FER: variants seen among roughly 807,000 people sequenced by gnomAD.
FER encodes the protein tyrosine-protein kinase Fer.
In FER, 63 loss-of-function variants were observed where a neutral mutation model predicts 111.0. That is an observed-to-expected ratio of 0.57 (90% CI 0.46 to 0.70). The LOEUF (loss-of-function observed/expected upper bound fraction) is 0.70, where lower values mean the gene tolerates loss of function less well. Ranked by LOEUF, FER falls within the 30% of genes least tolerant of loss-of-function variation. FER has a pLI of 0.00. For synonymous variants in FER, 327 were observed against 313.9 expected (o/e 1.04, Z -0.44); for missense variants, 914 against 954.0 (o/e 0.96, Z 0.55).
intron 13 of FER, among the ~76,000 whole-genome samples, chr5:109,003,208 G>T (rs1765036910): frequency 6.6e-6 from 1 of 152,142 alleles, no homozygotes; most frequent in Non-Finnish European, 1.5e-5. Context: ...CAAAGACTTG[G>T]AACCAACCCA....
chr5:108,946,245 G>A, intron 11 of FER, 23 bp downstream of exon 11: 1 of 1,546,836 alleles, frequency 6.5e-7, no homozygotes, highest in South Asian at 1.1e-5. Context: ...AACTCTCTGT[G>A]CTACTGAAAA....
intron 1 of FER, among the ~76,000 whole-genome samples, chr5:108,755,299 C>G (rs71592765): frequency 0.064 from 9,737 of 152,254 alleles, 418 homozygotes; most frequent in South Asian, 0.092. Context: ...TAATGCTTTT[C>G]TGTATGCTTC....
At chr5:109,070,628 A>G (rs1159046150) in intron 16 of FER, among the ~76,000 whole-genome samples, 1 of 151,982 alleles carries the variant, frequency 6.6e-6, no homozygotes, top group African/African-American at 2.4e-5. Flanking sequence ...TAAATTGTAG[A>G]AAAAGAATTT....
At chr5:109,071,781 A>G (rs1775796404) in intron 16 of FER, among the ~76,000 whole-genome samples, 1 of 151,992 alleles carries the variant, frequency 6.6e-6, no homozygotes, top group Non-Finnish European at 1.5e-5. Flanking sequence ...CAATCTGGAC[A>G]TCATGTGTCC....
intron 14 of FER, among the ~76,000 whole-genome samples, chr5:109,038,349 G>A (rs1339426540): frequency 6.6e-6 from 1 of 151,852 alleles, no homozygotes; most frequent in Admixed American, 6.6e-5. Context: ...TGAGTGATCA[G>A]TACTGAACTT....
At chr5:108,884,134 T>G (rs1228907312) in intron 9 of FER, among the ~76,000 whole-genome samples, 1 of 152,080 alleles carries the variant, frequency 6.6e-6, no homozygotes, top group East Asian at 1.9e-4. Context: ...TAATTGCATC[T>G]ACAAGAGTGG....
chr5:109,057,735 A>G (rs922318231), intron 16 of FER, among the ~76,000 whole-genome samples: 1 of 152,218 alleles, frequency 6.6e-6, no homozygotes, highest in Non-Finnish European at 1.5e-5. Flanking sequence ...TTCTCATTTA[A>G]ATAACCATTC....
intron 2 of FER, among the ~76,000 whole-genome samples, chr5:108,770,239 C>T (rs62361304): frequency 0.15 from 23,108 of 152,144 alleles, 1,808 homozygotes; most frequent in Middle Eastern, 0.22. Flanking sequence ...TGAGCCACTG[C>T]GCCTGGCCTT....
chr5:108,928,725 A>G (rs1419530200), intron 10 of FER, among the ~76,000 whole-genome samples: 1 of 151,736 alleles, frequency 6.6e-6, no homozygotes, highest in Non-Finnish European at 1.5e-5. Context: ...ATGTATATAA[A>G]CTGTTTAATA....
intron 13 of FER, among the ~76,000 whole-genome samples, chr5:109,013,098 CTTTAAG>C (rs1766521651): frequency 6.7e-6 from 1 of 148,584 alleles, no homozygotes; most frequent in East Asian, 2.0e-4. Flanking sequence ...TATTATTATA[CTTTAAG>C]TTTTAGGGTA....
intron 13 of FER, among the ~76,000 whole-genome samples, chr5:108,976,365 T>A (rs752223601): frequency 1.3e-5 from 2 of 152,208 alleles, no homozygotes; most frequent in Non-Finnish European, 2.9e-5. Context: ...TTATGATACT[T>A]CTTTTGCTTT....
At chr5:108,895,659 C>G (rs1037656401) in intron 9 of FER, among the ~76,000 whole-genome samples, 3 of 152,126 alleles carry the variant, frequency 2.0e-5, no homozygotes, top group Non-Finnish European at 4.4e-5. Flanking sequence ...ACAGGATAAT[C>G]GGACATCTCA....
At position 109,147,568 on chromosome 5, in the gene FER, C is replaced by G. The variant is rs562925975; in HGVS notation, c.2049-33179C>G. Among the ~76,000 whole-genome samples, 3 of 151,910 alleles carry G rather than the reference C, an allele frequency of 2.0e-5. 1 individual carries two copies. Among genetic ancestry groups the G allele is most frequent in the African/African-American group, 7.2e-5 (3 of 41,482 alleles). ...AACAATCAAGTATTAGTTCTATAAA[C>G]AATAGTATGCCCATTTGTAGAATAC... is the stretch of plus-strand genomic sequence containing the variant. On this transcript the variant is annotated intron_variant, in intron 17 of 19. Transcript: ENST00000281092.
chr5:109,176,319 C>T (rs998422491), intron 17 of FER, among the ~76,000 whole-genome samples: 2 of 151,922 alleles, frequency 1.3e-5, no homozygotes, highest in East Asian at 1.9e-4. Context: ...AATGAAATCC[C>T]GTCATTTGCA....
chr5:109,075,584 C>T (rs759373298), intron 16 of FER, among the ~76,000 whole-genome samples: 36 of 151,926 alleles, frequency 2.4e-4, no homozygotes, highest in Non-Finnish European at 4.0e-4. Flanking sequence ...CCACCACACC[C>T]GGATAATTTT....
At chr5:108,791,582 A>ATATG (rs1561425101) in intron 2 of FER, among the ~76,000 whole-genome samples, 2 of 149,178 alleles carry the variant, frequency 1.3e-5, no homozygotes, top group African/African-American at 4.9e-5. Flanking sequence ...TATGATATAT[A>ATATG]TATATACATA....
At chr5:108,824,786 TACGAGATTATC>T (rs1396579593) in intron 3 of FER, among the ~76,000 whole-genome samples, 2 of 152,230 alleles carry the variant, frequency 1.3e-5, no homozygotes, top group Admixed American at 1.3e-4. Flanking sequence ...GGTTTCTACA[TACGAGATTATC>T]GGGGGACCTG....
At chr5:108,767,269 C>T (rs1257213588) in intron 1 of FER, among the ~76,000 whole-genome samples, 3 of 152,124 alleles carry the variant, frequency 2.0e-5, no homozygotes, top group Non-Finnish European at 4.4e-5. Context: ...TGCCAGAGCA[C>T]TCCAGCTTGG....
At chr5:108,882,307 C>T (rs746040032) in intron 8 of FER, among the ~76,000 whole-genome samples, 1 of 151,750 alleles carries the variant, frequency 6.6e-6, no homozygotes, top group Admixed American at 6.6e-5. Flanking sequence ...AATAATATTG[C>T]TATTACTGGA....
Sources: gnomAD v4.1 joint callset for allele counts (sites outside exome capture counted in the v4.1 genomes callset) on GRCh38, gnomAD v4.1.1 for gene constraint, MANE v1.5 for transcripts, NCBI Gene and HGNC (gene_info 2026-07-23, HGNC 2026-07-21) for gene names.